Variants in OBSL1 observed in about 807,000 individuals in gnomAD.
The protein encoded by OBSL1 is obscurin-like protein 1.
OBSL1 carries 160 observed loss-of-function variants against 172.0 expected under a neutral mutation model. The observed-to-expected ratio is 0.93, with a 90% CI of 0.82 to 1.06. The LOEUF is 1.06. Ranked by LOEUF, OBSL1 falls within the 50% of genes least tolerant of loss-of-function variation. The probability of loss-of-function intolerance (pLI) is 0.00; values close to 1 mark genes in which losing one functional copy is unlikely to be tolerated. For synonymous variants in OBSL1, 1,200 were observed against 1,196.3 expected (o/e 1.00, Z -0.06); for missense variants, 2,681 against 2,715.4 (o/e 0.99, Z 0.28).
At chr2:219,548,065 G>A (rs761474024), downstream of OBSL1, 128 of 1,564,970 alleles carry the variant, frequency 8.2e-5, no homozygotes, top group Non-Finnish European at 1.1e-4. Flanking sequence ...CAGCTGAGGG[G>A]GACTCCCACA....
rs368035652 is a variant in OBSL1, at chr2:219,568,074, C to T, written c.1263G>A (p.Val421=). 12 of 1,610,186 alleles carry T rather than the reference C, an allele frequency of 7.5e-6. No homozygotes were observed. Among genetic ancestry groups the T allele is most frequent in the Middle Eastern group, 1.7e-4 (1 of 6,052 alleles). Residue 421 remains valine (V), a synonymous_variant, in exon 2 of 21, where the codon GTG becomes GTA. Transcript: ENST00000404537. The surrounding 1 kb of genome is among the most constrained non-coding windows in gnomAD (Gnocchi z 4.1). ...LCEMRGRVRT[V]ANVTVKGPIL... is the part of the protein sequence containing the mutation. Reference sequence around the variant, plus strand: ...GCTGACCTTTGACTGTGACGTTGGCCACGGTGCGCACCCGGCCCCGCATCT... The same window carrying T: ...GCTGACCTTTGACTGTGACGTTGGCTACGGTGCGCACCCGGCCCCGCATCT...
rs769360822 is a variant in OBSL1, at chr2:219,552,661, A to G, written c.5183T>C (p.Val1728Ala). ...TVAVLSELRS[V>A]SAREGDGATF... Reference sequence around the variant, plus strand: ...AGCGCCGTCGCCTTCGCGGGCGCTCACCGACCGCAGCTCGGAGAGTACCGC... The same window carrying G: ...AGCGCCGTCGCCTTCGCGGGCGCTCGCCGACCGCAGCTCGGAGAGTACCGC... Residue 1728 changes from valine (V) to alanine (A), a missense_variant, in exon 18 of 21, where the codon GTG (valine) becomes GCG (alanine). Coordinates refer to ENST00000404537, the MANE Select transcript of OBSL1 (RefSeq NM_015311.3). The G allele has an allele frequency of 1.0e-4, 158 of 1,540,950 alleles. No homozygotes were observed. The Admixed American group carries it at 2.7e-3, about 26-fold the overall frequency.
downstream of OBSL1, chr2:219,549,103 A>G: frequency 6.2e-7 from 1 of 1,606,780 alleles, no homozygotes; most frequent in Non-Finnish European, 8.5e-7. Flanking sequence ...GCTCAAGGGA[A>G]ACAAGGCGCA....
At chr2:219,566,548 A>C (rs1696907917) in intron 5 of OBSL1, among the ~76,000 whole-genome samples, 2 of 152,178 alleles carry the variant, frequency 1.3e-5, no homozygotes, top group South Asian at 4.1e-4. Flanking sequence ...GTGTCTTTCA[A>C]ATGAGATGAC....
At chr2:219,564,885 T>C (rs1344909554) in intron 6 of OBSL1, among the ~76,000 whole-genome samples, 3 of 152,124 alleles carry the variant, frequency 2.0e-5, no homozygotes, top group African/African-American at 2.4e-5. Context: ...CTAACCAACA[T>C]AGTGAAACCG....
Position 219,563,549 on chromosome 2 carries a change from C to G in OBSL1, c.2486G>C (p.Cys829Ser), listed in dbSNP as rs367961796. Residue 829 changes from cysteine (C) to serine (S), a missense_variant, in exon 7 of 21, where the codon TGT becomes TCT. This residue lies in a region of OBSL1 where 1,765 missense variants were observed against 1,748.3 expected (regional missense o/e 1.01). Transcript: ENST00000404537. ...AGGGGCGTCCTCTCGGTCCACCTCACAGGCCAGCATGACACACTCGGAAGT... is the reference window on the plus strand; with the variant it reads ...AGGGGCGTCCTCTCGGTCCACCTCAGAGGCCAGCATGACACACTCGGAAGT... ...AITSECVMLA[C>S]EVDREDAPVR... The G allele has an allele frequency of 1.2e-6, 2 of 1,613,824 alleles. No individual in the cohort carries two copies. The highest frequency in any genetic ancestry group is 1.7e-6 in the Non-Finnish European group (2 of 1,179,892).
chr2:219,551,479 G>A, intron 20 of OBSL1, 50 bp downstream of exon 20: 1 of 1,522,600 alleles, frequency 6.6e-7, no homozygotes, highest in African/African-American at 1.4e-5. Flanking sequence ...TAACCCATCA[G>A]CTCCCAGGCG....
chr2:219,561,794 T>A lies in OBSL1; in HGVS notation c.2953+608A>T, dbSNP rs931454580. On this transcript the variant is annotated intron_variant, in intron 8 of 20. Transcript: ENST00000404537. ...AAATGCCCACAGGGGCCAGGTTAGGTTAGCGGCTGAAGCAGTCTGGGGAGA... is the reference window on the plus strand; with the variant it reads ...AAATGCCCACAGGGGCCAGGTTAGGATAGCGGCTGAAGCAGTCTGGGGAGA... 45 of 702,004 alleles carry A rather than the reference T, an allele frequency of 6.4e-5. No homozygotes were observed. In the African/African-American group the frequency reaches 7.6e-4, roughly 12 times the overall value. 43.5% of individuals were successfully genotyped at this position (702,004 alleles called of 1,614,324 possible).
rs994677442 is a variant in OBSL1, at chr2:219,571,091, C to T, written c.142G>A (p.Gly48Ser). 9.5e-6 allele frequency: 14 copies of T among 1,469,328 alleles called. No homozygotes were observed. The highest frequency in any genetic ancestry group is 9.0e-7 in the Non-Finnish European group (1 of 1,114,202). 91.0% of individuals were successfully genotyped at this position (1,469,328 alleles called of 1,614,324 possible). The change falls in exon 1 of 21, where the codon GGC becomes AGC. Residue 48 changes from glycine to serine, a missense_variant. Coordinates refer to ENST00000404537, the MANE Select transcript of OBSL1 (RefSeq NM_015311.3). ...EPPPVVVWEK[G>S]GQQLAASERL... ...TCCGAGGCCGCCAGCTGCTGCCCGC[C>T]CTTCTCCCACACCACTACAGGCGGC...
chr2:219,568,052 G>A lies in OBSL1; in HGVS notation c.1282+3C>T. The A allele has an allele frequency of 1.2e-6, 2 of 1,608,732 alleles. No homozygotes were observed. The highest frequency in any genetic ancestry group is 1.7e-6 in the Non-Finnish European group (2 of 1,175,640). On this transcript the variant is annotated splice_donor_region_variant and intron_variant, in intron 2 of 20. Transcript: ENST00000404537. This position sits in a 1 kb window ranked among gnomAD's most constrained non-coding sequence, Gnocchi z 4.1. ...TCAGCCTCTTCCCCACGGGCCAGCT[G>A]ACCTTTGACTGTGACGTTGGCCACG...
chr2:219,564,728 C>T (rs545388604), intron 6 of OBSL1, among the ~76,000 whole-genome samples: 1 of 152,260 alleles, frequency 6.6e-6, no homozygotes, highest in African/African-American at 2.4e-5. Context: ...CGTTTGAGCA[C>T]AGGAGTTCAA....
At chr2:219,551,488 C>T (rs1417300838) in intron 20 of OBSL1, 41 bp downstream of exon 20, 14 of 1,532,306 alleles carry the variant, frequency 9.1e-6, no homozygotes, top group Non-Finnish European at 1.2e-5. Flanking sequence ...AGCTCCCAGG[C>T]GCCCTCACCC....
Position 219,551,754 on chromosome 2 carries a change from C to T in OBSL1, c.5458G>A (p.Val1820Ile), listed in dbSNP as rs761963210. The T allele has an allele frequency of 6.3e-7, 1 of 1,597,048 alleles. No individual in the cohort carries two copies. Among genetic ancestry groups the T allele is most frequent in the South Asian group, 1.1e-5 (1 of 90,564 alleles). The stretch of plus-strand genomic sequence containing the variant: ...AGCACCGCCCGGCGGCCCACCAGAA[C>T]GGTCTTCTCGCGAGGGGGGTGGCGG... ...MCRHPPREKTVLVGRRAVLEV... is the reference protein window; with the variant it reads ...MCRHPPREKTILVGRRAVLEV... The change falls in exon 20 of 21, where the codon GTT (valine) becomes ATT (isoleucine). Residue 1820 changes from valine (V) to isoleucine (I), a missense_variant. By Grantham distance (29) the Val-to-Ile change is conservative. Coordinates refer to ENST00000404537, the MANE Select transcript of OBSL1 (RefSeq NM_015311.3).
Position 219,570,645 on chromosome 2 carries a change from G to T in OBSL1, c.588C>A (p.Ile196=). ...CGGAATCCGGCAGCCGAGCCGCCAG[G>T]ATGCGCAGTGCCAGGCTCGCGCCGG... The part of the protein sequence containing the change: ...DGPGASLALR[I]LAARLPDSGV... Residue 196 remains isoleucine (I), a synonymous_variant, in exon 1 of 21, where the codon ATC becomes ATA. Transcript: ENST00000404537. 1 of 1,510,114 alleles carries T rather than the reference G, an allele frequency of 6.6e-7. No individual in the cohort carries two copies. 93.5% of individuals were successfully genotyped at this position (1,510,114 alleles called of 1,614,324 possible). A position where few individuals can be genotyped will look rare whatever the true frequency, so the allele number is the denominator to read the frequency against.
intron 8 of OBSL1, 189 bp from the exon 9 acceptor site, chr2:219,559,686 T>G: frequency 1.7e-6 from 1 of 575,630 alleles, no homozygotes; most frequent in Non-Finnish European, 3.0e-6. Context: ...GAATCCAGAA[T>G]GCTTTGGATT....
downstream of OBSL1, chr2:219,549,490 G>A (rs1695488849): frequency 3.9e-6 from 5 of 1,277,908 alleles, no homozygotes; most frequent in South Asian, 3.1e-5. Flanking sequence ...CCATGCATCG[G>A]AGCCCATGCA....
At position 219,554,914 on chromosome 2, in the gene OBSL1, C is replaced by T. The variant is rs938036723; in HGVS notation, c.4610-174G>A. On this transcript the variant is annotated intron_variant, in intron 14 of 20. Coordinates refer to ENST00000404537, the MANE Select transcript of OBSL1 (RefSeq NM_015311.3). ...AAAGGAGCACGGTGGACAGATTTGG[C>T]GGGGGGAGGGCTGTATCAGGGTTAG... is the stretch of plus-strand genomic sequence containing the variant. The T allele has an allele frequency of 1.1e-4, 67 of 617,314 alleles. 1 individual carries two copies. The highest frequency in any genetic ancestry group is 6.0e-4 in the Admixed American group (19 of 31,804). 38.2% of individuals were successfully genotyped at this position (617,314 alleles called of 1,614,324 possible).
At chr2:219,566,000 C>G (rs1696862422) in intron 5 of OBSL1, among the ~76,000 whole-genome samples, 1 of 152,212 alleles carries the variant, frequency 6.6e-6, no homozygotes, top group African/African-American at 2.4e-5. Flanking sequence ...TCAGGGATGC[C>G]TCATTCCCCT....
chr2:219,554,844 A>G, intron 14 of OBSL1, 104 bp from the exon 15 acceptor site: 1 of 1,347,810 alleles, frequency 7.4e-7, no homozygotes, highest in Non-Finnish European at 9.9e-7. Flanking sequence ...TGAACACCCA[A>G]CCTAAGGTCC....
Sources: gnomAD v4.1 joint callset for allele counts (sites outside exome capture counted in the v4.1 genomes callset) on GRCh38, gnomAD v4.1.1 for gene constraint, gnomAD v4.1.1 regional missense constraint, Gnocchi (gnomAD v3.1) non-coding constraint, MANE v1.5 for transcripts, NCBI Gene and HGNC (gene_info 2026-07-23, HGNC 2026-07-21) for gene names.